Variants in CELF4 observed in about 807,000 individuals in gnomAD.
The protein encoded by CELF4 is CUG-BP- and ETR-3-like factor 4.
In CELF4, 18 loss-of-function variants were observed where a neutral mutation model predicts 59.9. The observed-to-expected ratio is 0.30, with a 90% CI of 0.21 to 0.45. The LOEUF is 0.45. Ranked by LOEUF, CELF4 falls within the 20% of genes least tolerant of loss-of-function variation. The probability of loss-of-function intolerance (pLI) is 1.00; values close to 1 mark genes in which losing one functional copy is unlikely to be tolerated. For missense variants in CELF4, 456 were observed against 689.0 expected (o/e 0.66, Z 3.79); for synonymous variants, 261 against 267.1 (o/e 0.98, Z 0.22).
intron 1 of CELF4, among the ~76,000 whole-genome samples, chr18:37,516,180 C>T: frequency 6.6e-6 from 1 of 152,128 alleles, no homozygotes; most frequent in Admixed American, 6.5e-5. Flanking sequence ...AATCATAGAG[C>T]CCAACATCCC....
chr18:37,476,831 A>G (rs1437204920), intron 2 of CELF4, among the ~76,000 whole-genome samples: 1 of 152,008 alleles, frequency 6.6e-6, no homozygotes, highest in Non-Finnish European at 1.5e-5. Context: ...GCAGCCTCAC[A>G]TTCTCGCTCC....
In CELF4 at chr18:37,274,865, G is replaced by A. The variant is rs370765225; in HGVS notation, c.597C>T (p.Tyr199=). The A allele has an allele frequency of 6.2e-7, 1 of 1,608,360 alleles. No individual in the cohort carries two copies. The highest frequency in any genetic ancestry group is 8.5e-7 in the Non-Finnish European group (1 of 1,178,236). ...GNSKGCAFVK[Y]SSHAEAQAAI... is the part of the protein sequence containing the mutation. The stretch of plus-strand genomic sequence containing the variant: ...CGGCCTGCGCCTCGGCGTGGGAGGA[G>A]TACTTCACAAAGGCGCACCCTGCGA... Residue 199 remains tyrosine, a synonymous_variant, in exon 5 of 13, where the codon TAC becomes TAT. Coordinates refer to ENST00000420428, the MANE Select transcript of CELF4 (RefSeq NM_020180.4).
intron 2 of CELF4, among the ~76,000 whole-genome samples, chr18:37,485,258 C>T (rs1480395608): frequency 6.6e-6 from 1 of 151,786 alleles, no homozygotes. Context: ...GCTCCCGCTC[C>T]GGGGACCCGG....
At chr18:37,270,307 G>A (rs982860784) in intron 8 of CELF4, among the ~76,000 whole-genome samples, 1 of 152,164 alleles carries the variant, frequency 6.6e-6, no homozygotes, top group African/African-American at 2.4e-5. Flanking sequence ...ACCAAGGGAT[G>A]GACTGGTCTG....
At chr18:37,504,044 G>C (rs1440802938) in intron 1 of CELF4, among the ~76,000 whole-genome samples, 4 of 152,212 alleles carry the variant, frequency 2.6e-5, no homozygotes, top group Non-Finnish European at 5.9e-5. Flanking sequence ...TCTTAGAAGA[G>C]ACCTGGGCTA....
intron 2 of CELF4, among the ~76,000 whole-genome samples, chr18:37,325,474 A>G (rs1430060624): frequency 6.6e-6 from 1 of 152,192 alleles, no homozygotes; most frequent in Non-Finnish European, 1.5e-5. Flanking sequence ...CTTCCACCCT[A>G]GATGCCACCC....
chr18:37,365,384 C>A (rs1025645212), intron 2 of CELF4, among the ~76,000 whole-genome samples: 1 of 152,014 alleles, frequency 6.6e-6, no homozygotes, highest in East Asian at 1.9e-4. Flanking sequence ...TGTCGCCCAC[C>A]CCCTGTGAAT....
At chr18:37,556,994 C>T (rs1012538710) in intron 1 of CELF4, among the ~76,000 whole-genome samples, 2 of 152,064 alleles carry the variant, frequency 1.3e-5, no homozygotes, top group African/African-American at 4.8e-5. Context: ...AGGTGAGGAC[C>T]ATCCTTCAGT....
At chr18:37,468,212 C>T (rs1243953839) in intron 2 of CELF4, among the ~76,000 whole-genome samples, 2 of 152,190 alleles carry the variant, frequency 1.3e-5, no homozygotes, top group Admixed American at 6.5e-5. Flanking sequence ...ATTTCAAATG[C>T]GTCTTTGGTT....
At chr18:37,273,650 A>T in intron 6 of CELF4, 1 of 988,302 alleles carries the variant, frequency 1.0e-6, no homozygotes, top group Non-Finnish European at 1.2e-6. Flanking sequence ...GAGTGCGGAC[A>T]GGGGAGGCTG....
intron 2 of CELF4, among the ~76,000 whole-genome samples, chr18:37,470,571 A>G (rs2099818493): frequency 6.6e-6 from 1 of 152,146 alleles, no homozygotes; most frequent in Non-Finnish European, 1.5e-5. Flanking sequence ...GCTGTGTCCA[A>G]CTGTCTAGGC....
chr18:37,393,249 A>G (rs2154578468), intron 2 of CELF4, among the ~76,000 whole-genome samples: 1 of 152,292 alleles, frequency 6.6e-6, no homozygotes, highest in East Asian at 1.9e-4. Flanking sequence ...CCTGGCACCC[A>G]GTGGGGAAGA....
intron 2 of CELF4, among the ~76,000 whole-genome samples, chr18:37,337,080 T>C (rs1413078659): frequency 6.6e-6 from 1 of 152,048 alleles, no homozygotes; most frequent in Non-Finnish European, 1.5e-5. Context: ...TGCTACATCC[T>C]TTCTGCTCGG....
At chr18:37,492,773 ATGGATTCGCATG>A (rs2099910416) in intron 1 of CELF4, among the ~76,000 whole-genome samples, 1 of 152,090 alleles carries the variant, frequency 6.6e-6, no homozygotes, top group Non-Finnish European at 1.5e-5. Context: ...CTCACCTTCT[ATGGATTCGCATG>A]TGGCCTCTGC....
At chr18:37,269,781 A>C (rs926367863) in intron 8 of CELF4, among the ~76,000 whole-genome samples, 1 of 152,136 alleles carries the variant, frequency 6.6e-6, no homozygotes, top group Non-Finnish European at 1.5e-5. Context: ...GAGAACACTC[A>C]CTCATGATCA....
intron 3 of CELF4, among the ~76,000 whole-genome samples, chr18:37,296,758 G>A (rs1471549901): frequency 6.6e-6 from 1 of 152,130 alleles, no homozygotes; most frequent in East Asian, 1.9e-4. Flanking sequence ...CTAACTGTGG[G>A]CCCCATTGAC....
intron 2 of CELF4, among the ~76,000 whole-genome samples, chr18:37,446,581 G>C (rs1342797457): frequency 6.6e-6 from 1 of 152,212 alleles, no homozygotes; most frequent in Non-Finnish European, 1.5e-5. Context: ...TTAAATGAGA[G>C]TCCATGTAAT....
chr18:37,405,485 C>T (rs1299830690), intron 2 of CELF4, among the ~76,000 whole-genome samples: 1 of 152,250 alleles, frequency 6.6e-6, no homozygotes, highest in Non-Finnish European at 1.5e-5. Context: ...AGGGGCTCTG[C>T]CCCGGGATGC....
intron 2 of CELF4, among the ~76,000 whole-genome samples, chr18:37,454,770 A>T (rs962583434): frequency 1.3e-5 from 2 of 152,124 alleles, no homozygotes; most frequent in African/African-American, 2.4e-5. Flanking sequence ...TATATTTTTT[A>T]AAAATAACAT....
Sources: gnomAD v4.1 joint callset for allele counts (sites outside exome capture counted in the v4.1 genomes callset) on GRCh38, gnomAD v4.1.1 for gene constraint, MANE v1.5 for transcripts, NCBI Gene and HGNC (gene_info 2026-07-23, HGNC 2026-07-21) for gene names.